The following KCNIP4 variants were observed in gnomAD, a reference collection of about 807,000 sequenced individuals.
The protein encoded by KCNIP4 is Kv channel-interacting protein 4.
Under a neutral mutation model 34.0 loss-of-function variants are expected in KCNIP4, and 12 were observed. That is an observed-to-expected ratio of 0.35 (90% CI 0.23 to 0.57). KCNIP4 has a LOEUF of 0.57. Ranked by LOEUF, KCNIP4 falls within the 20% of genes least tolerant of loss-of-function variation. The probability of loss-of-function intolerance (pLI) is 0.83; values close to 1 mark genes in which losing one functional copy is unlikely to be tolerated. For synonymous variants in KCNIP4, 124 were observed against 102.2 expected (o/e 1.21, Z -1.29); for missense variants, 238 against 311.7 (o/e 0.76, Z 1.78).
chr4:20,844,625 G>C (rs1720146805), intron 3 of KCNIP4, among the ~76,000 whole-genome samples: 1 of 152,126 alleles, frequency 6.6e-6, no homozygotes, highest in Admixed American at 6.5e-5. Flanking sequence ...CCTAATCACT[G>C]CATCTTACTG....
intron 1 of KCNIP4, among the ~76,000 whole-genome samples, chr4:21,128,445 T>C (rs945182629): frequency 6.6e-5 from 10 of 152,166 alleles, no homozygotes; most frequent in African/African-American, 2.4e-4. Context: ...TTGTCACAGA[T>C]TTTTCCCTAT....
intron 1 of KCNIP4, among the ~76,000 whole-genome samples, chr4:21,009,408 T>C (rs1025897018): frequency 1.3e-5 from 2 of 152,244 alleles, no homozygotes; most frequent in African/African-American, 4.8e-5. Flanking sequence ...CCTGATTTCT[T>C]TTGGCCTTAA....
intron 1 of KCNIP4, among the ~76,000 whole-genome samples, chr4:21,139,109 C>A (rs775219740): frequency 6.6e-6 from 1 of 152,084 alleles, no homozygotes; most frequent in Admixed American, 6.5e-5. Flanking sequence ...TTGCATGTTG[C>A]TTTATGTTAG....
chr4:20,976,550 A>C (rs1254524435), intron 1 of KCNIP4, among the ~76,000 whole-genome samples: 1 of 152,196 alleles, frequency 6.6e-6, no homozygotes, highest in African/African-American at 2.4e-5. Context: ...GTTCACAGTT[A>C]GTGAATTAGG....
At chr4:20,923,497 G>A (rs73242565) in intron 1 of KCNIP4, among the ~76,000 whole-genome samples, 16,534 of 152,010 alleles carry the variant, frequency 0.11, 1,053 homozygotes, top group African/African-American at 0.2. Context: ...ATGCAACACA[G>A]AAAAAGCTCA....
chr4:21,050,277 T>C (rs779840769), intron 1 of KCNIP4, among the ~76,000 whole-genome samples: 16 of 152,348 alleles, frequency 1.1e-4, no homozygotes, highest in Non-Finnish European at 2.2e-4. Flanking sequence ...TTTTAAAGTC[T>C]CATTTAAATA....
intron 1 of KCNIP4, among the ~76,000 whole-genome samples, chr4:21,378,979 AC>A (rs1283420935): frequency 1.3e-5 from 2 of 152,154 alleles, no homozygotes; most frequent in African/African-American, 4.8e-5. Context: ...CAGGTTAAAA[AC>A]AATCGTTAAT....
chr4:21,351,430 C>T (rs35854024), intron 1 of KCNIP4, among the ~76,000 whole-genome samples: 3,887 of 152,232 alleles, frequency 0.026, 199 homozygotes, highest in East Asian at 0.2. Flanking sequence ...ATAAGACATG[C>T]CTTTGGTTTT....
intron 1 of KCNIP4, among the ~76,000 whole-genome samples, chr4:21,926,590 C>A (rs1296517860): frequency 1.3e-5 from 2 of 152,064 alleles, no homozygotes; most frequent in Non-Finnish European, 2.9e-5. Context: ...TCTCCAAAAC[C>A]ATCAATTTAC....
At chr4:21,207,039 T>C (rs1192110674) in intron 1 of KCNIP4, among the ~76,000 whole-genome samples, 2 of 152,240 alleles carry the variant, frequency 1.3e-5, no homozygotes, top group Non-Finnish European at 2.9e-5. Context: ...ATGCCATCTC[T>C]AATAGCATTT....
intron 1 of KCNIP4, among the ~76,000 whole-genome samples, chr4:21,294,679 A>G (rs1049195996): frequency 1.3e-5 from 2 of 152,196 alleles, no homozygotes; most frequent in African/African-American, 4.8e-5. Context: ...TACAATATGT[A>G]TGCTACCAAA....
intron 2 of KCNIP4, among the ~76,000 whole-genome samples, chr4:20,875,782 A>T (rs76003683): frequency 6.6e-6 from 1 of 152,080 alleles, no homozygotes; most frequent in Non-Finnish European, 1.5e-5. Context: ...TTGGCCATTC[A>T]AGTTGCTTTT....
chr4:21,377,456 GTGAT>G (rs1398429952), intron 1 of KCNIP4, among the ~76,000 whole-genome samples: 1 of 152,190 alleles, frequency 6.6e-6, no homozygotes, highest in Non-Finnish European at 1.5e-5. Context: ...AGCTCATTTA[GTGAT>G]TGATTACCAT....
intron 1 of KCNIP4, among the ~76,000 whole-genome samples, chr4:20,954,726 G>C (rs1252434927): frequency 6.6e-6 from 1 of 152,096 alleles, no homozygotes; most frequent in Admixed American, 6.5e-5. Flanking sequence ...GGGCCCAGGC[G>C]CATCCTCAAA....
At chr4:21,514,219 G>A (rs1194129293) in intron 1 of KCNIP4, among the ~76,000 whole-genome samples, 4 of 152,126 alleles carry the variant, frequency 2.6e-5, no homozygotes, top group African/African-American at 9.7e-5. Flanking sequence ...AACCATTTGG[G>A]TAATTTGCAT....
intron 1 of KCNIP4, among the ~76,000 whole-genome samples, chr4:21,055,606 A>C (rs10032899): frequency 0.029 from 4,389 of 152,308 alleles, 172 homozygotes; most frequent in African/African-American, 0.099. Context: ...AAATGAGCTA[A>C]CAAGCCACAA....
At chr4:21,468,001 G>A (rs956542484) in intron 1 of KCNIP4, among the ~76,000 whole-genome samples, 1 of 118,622 alleles carries the variant, frequency 8.4e-6, no homozygotes, top group Admixed American at 7.9e-5. Flanking sequence ...GCACTGATGG[G>A]AACAAATTCT....
chr4:21,847,468 C>G (rs1006870313), intron 1 of KCNIP4: 1 of 152,056 alleles, frequency 6.6e-6, no homozygotes, highest in South Asian at 2.1e-4. Flanking sequence ...AGAAACTAGA[C>G]AAATCAAGCA....
intron 1 of KCNIP4, among the ~76,000 whole-genome samples, chr4:20,969,948 T>G (rs1734760077): frequency 1.3e-5 from 2 of 149,650 alleles, no homozygotes; most frequent in South Asian, 4.2e-4. Flanking sequence ...TATCAGCAGT[T>G]TTTTTTTTTT....
Sources: gnomAD v4.1 joint callset for allele counts (sites outside exome capture counted in the v4.1 genomes callset) on GRCh38, gnomAD v4.1.1 for gene constraint, MANE v1.5 for transcripts, NCBI Gene and HGNC (gene_info 2026-07-23, HGNC 2026-07-21) for gene names.